TRAP1: variants seen among roughly 807,000 people sequenced by gnomAD.
TRAP1 encodes the protein TNF receptor associated protein 1.
A neutral mutation model predicts 89.1 loss-of-function variants in TRAP1; 102 were observed. That is an observed-to-expected ratio of 1.15 (90% CI 0.98 to 1.35). The LOEUF (loss-of-function observed/expected upper bound fraction) is 1.35. Ranked by LOEUF, TRAP1 falls within the 40% of genes most tolerant of loss-of-function variation. The probability of loss-of-function intolerance (pLI) is 0.00; values close to 1 mark genes in which losing one functional copy is unlikely to be tolerated. For synonymous variants in TRAP1, 508 were observed against 388.0 expected (o/e 1.31, Z -3.64); for missense variants, 1,256 against 945.3 (o/e 1.33, Z -4.31).
chr16:3,675,175 C>T (rs1019929977), intron 8 of TRAP1, 149 bp downstream of exon 8: 7 of 713,154 alleles, frequency 9.8e-6, no homozygotes, highest in African/African-American at 8.9e-5. Context: ...GGGCCCCTGT[C>T]TCATCCCCAC....
chr16:3,704,372 C>T (rs2051411180), intron 1 of TRAP1: 1 of 152,174 alleles, frequency 6.6e-6, no homozygotes, highest in Non-Finnish European at 1.5e-5. Context: ...TTATAAAAAA[C>T]ACTTAAAAAC....
At chr16:3,660,907 G>A (rs890737868) in intron 16 of TRAP1, 1 of 152,140 alleles carries the variant, frequency 6.6e-6, no homozygotes, top group African/African-American at 2.4e-5. Context: ...CTGGGGGACA[G>A]AGTGAGACCC....
chr16:3,669,297 G>A (rs1477759538), intron 11 of TRAP1, among the ~76,000 whole-genome samples: 1 of 152,184 alleles, frequency 6.6e-6, no homozygotes, highest in Non-Finnish European at 1.5e-5. Flanking sequence ...CTGCTGTGGG[G>A]CGGGGATGCA....
chr16:3,687,215 T>A (rs1203309704), intron 3 of TRAP1: 1 of 152,154 alleles, frequency 6.6e-6, no homozygotes, highest in Non-Finnish European at 1.5e-5. Context: ...TCTCATGAGA[T>A]CTGACAGTTT....
At chr16:3,673,673 T>G (rs1489503962) in intron 9 of TRAP1, among the ~76,000 whole-genome samples, 1 of 152,178 alleles carries the variant, frequency 6.6e-6, no homozygotes, top group Non-Finnish European at 1.5e-5. Context: ...GCTGGCTCTT[T>G]CCAAGATGGA....
In TRAP1 at chr16:3,672,714, A is replaced by G. The variant is rs1342509122; in HGVS notation, c.1151T>C (p.Leu384Pro). 1.2e-6 allele frequency: 2 copies of G among 1,609,342 alleles called. No individual in the cohort carries two copies. Among genetic ancestry groups the G allele is most frequent in the Non-Finnish European group, 1.7e-6 (2 of 1,178,222 alleles). The change falls in exon 10 of 18, where the codon CTG becomes CCG. Residue 384 changes from leucine (L) to proline (P), a missense_variant. Leu to Pro is a moderately conservative substitution (Grantham distance 98, BLOSUM62 -3). Transcript: ENST00000246957. ...GAGCAGCGTACCTCGGATGAAGCGC[A>G]GCCACTTGGGCAGGATGTCCGTGGC... is the stretch of plus-strand genomic sequence containing the variant. ...TKATDILPKW[L>P]RFIRGVVDSE...
chr16:3,661,615 A>G lies in TRAP1; in HGVS notation c.1940+372T>C, dbSNP rs56048917. The G allele has an allele frequency of 6.8e-3, 1,414 of 209,264 alleles. 25 individuals are homozygous for G. Among genetic ancestry groups the G allele is most frequent in the African/African-American group, 0.03 (1,329 of 43,870 alleles). The allele number at this position is 209,264 out of a possible 1,614,324, so 13.0% of individuals were successfully genotyped here. A position where few individuals can be genotyped will look rare whatever the true frequency, so the allele number is the denominator to read the frequency against. Reference sequence around the variant, plus strand: ...AATGAACTTGTGGCAGCCCCTCTGCATGGGCAACCCTCATGCCAAGTGAGC... The same window carrying G: ...AATGAACTTGTGGCAGCCCCTCTGCGTGGGCAACCCTCATGCCAAGTGAGC... On this transcript the variant is annotated intron_variant, in intron 16 of 17. Coordinates refer to ENST00000246957, the MANE Select transcript of TRAP1 (RefSeq NM_016292.3).
intron 11 of TRAP1, among the ~76,000 whole-genome samples, chr16:3,668,844 C>T (rs2050872467): frequency 6.6e-6 from 1 of 152,190 alleles, no homozygotes; most frequent in Non-Finnish European, 1.5e-5. Flanking sequence ...CGTGTTTATG[C>T]AGGCTCAGCA....
intron 1 of TRAP1, among the ~76,000 whole-genome samples, chr16:3,694,232 C>G (rs1487052508): frequency 6.6e-6 from 1 of 152,130 alleles, no homozygotes; most frequent in Non-Finnish European, 1.5e-5. Context: ...ACCAGGAATA[C>G]TGGAGTTAGG....
At chr16:3,710,214 G>A (rs1567247979) in intron 1 of TRAP1, among the ~76,000 whole-genome samples, 1 of 152,194 alleles carries the variant, frequency 6.6e-6, no homozygotes, top group South Asian at 2.1e-4. Context: ...CTCACCCTGA[G>A]CTTTGCTCAT....
Position 3,691,003 on chromosome 16 carries a change from C to G in TRAP1, c.89-18G>C. On this transcript the variant is annotated intron_variant, in intron 1 of 17. Coordinates refer to ENST00000246957, the MANE Select transcript of TRAP1 (RefSeq NM_016292.3). ...TGGTTTTCCTGAAAAGACAAATATGCAGAAAGAATGAGAATTAGGAAGACA... is the reference window on the plus strand; with the variant it reads ...TGGTTTTCCTGAAAAGACAAATATGGAGAAAGAATGAGAATTAGGAAGACA... 1.4e-6 allele frequency: 2 copies of G among 1,463,136 alleles called. No individual in the cohort carries two copies. The highest frequency in any genetic ancestry group is 2.6e-5 in the East Asian group (1 of 38,274). 90.6% of individuals were successfully genotyped at this position (1,463,136 alleles called of 1,614,324 possible).
At chr16:3,716,091 G>A (rs949092533) in intron 1 of TRAP1, among the ~76,000 whole-genome samples, 3 of 152,160 alleles carry the variant, frequency 2.0e-5, no homozygotes, top group Non-Finnish European at 2.9e-5. Context: ...TTGAACTCCT[G>A]ATCTGCCCAC....
chr16:3,679,996 A>G (rs188916747), intron 4 of TRAP1: 1 of 541,998 alleles, frequency 1.8e-6, no homozygotes, highest in Non-Finnish European at 3.4e-6. Context: ...ATGGGAGGCC[A>G]AGGCAGGCGG....
chr16:3,662,305 G>A (rs1449027836), intron 15 of TRAP1, 173 bp from the exon 16 acceptor site: 1 of 771,486 alleles, frequency 1.3e-6, no homozygotes, highest in Non-Finnish European at 2.0e-6. Flanking sequence ...TGGGCCCTGA[G>A]CTGATGCCCC....
At position 3,717,504 on chromosome 16, in the gene TRAP1, G is replaced by A. The variant is rs1374938088; in HGVS notation, c.5C>T (p.Ala2Val). 3.7e-6 allele frequency: 5 copies of A among 1,352,122 alleles called. No homozygotes were observed. The East Asian group carries it at 9.9e-5, about 27-fold the overall frequency. 83.8% of individuals were successfully genotyped at this position (1,352,122 alleles called of 1,614,324 possible). A position where few individuals can be genotyped will look rare whatever the true frequency, so the allele number is the denominator to read the frequency against. ...CAGCAGCAGCGCCCGCAGCTCGCGC[G>A]CCATGTCGTACTCCCAGAGCGCCGC... M[A>V]RELRALLLWG... is the part of the protein sequence containing the mutation. The change falls in exon 1 of 18, where the codon GCG (alanine) becomes GTG (valine). Residue 2 changes from alanine (A) to valine (V), a missense_variant. By Grantham distance (64) the Ala-to-Val change is moderately conservative (BLOSUM62 0). Transcript: ENST00000246957.
intron 1 of TRAP1, among the ~76,000 whole-genome samples, chr16:3,693,502 T>C (rs7192885): frequency 8.5e-5 from 13 of 152,066 alleles, no homozygotes; most frequent in Non-Finnish European, 1.3e-4. Flanking sequence ...TGTGCCTCCT[T>C]CCAAAGCACA....
intron 1 of TRAP1, among the ~76,000 whole-genome samples, chr16:3,712,001 C>G (rs896013852): frequency 1.3e-5 from 2 of 152,000 alleles, no homozygotes; most frequent in African/African-American, 4.8e-5. Flanking sequence ...TATCAAGATT[C>G]TTTGTCAGGC....
chr16:3,661,853 A>G (rs993360310), intron 16 of TRAP1, 134 bp downstream of exon 16: 2 of 1,201,884 alleles, frequency 1.7e-6, no homozygotes, highest in African/African-American at 1.6e-5. Flanking sequence ...AACTGCATAC[A>G]GCTCCTTATA....
In TRAP1 at chr16:3,709,797, T is replaced by C. The variant is rs181645126; in HGVS notation, c.88+7624A>G. 3.3e-3 allele frequency among the ~76,000 whole-genome samples: 495 copies of C among 152,228 alleles called. 5 individuals are homozygous for C. The highest frequency in any genetic ancestry group is 0.011 in the African/African-American group (477 of 41,538). On this transcript the variant is annotated intron_variant, in intron 1 of 17. Transcript: ENST00000246957. ...TCCTAAGTAGCTGGGATTACAGGCA[T>C]GCGCCACCACGCCCGGCTAGTTTTG... is the stretch of plus-strand genomic sequence containing the variant.
Sources: gnomAD v4.1 joint callset for allele counts (sites outside exome capture counted in the v4.1 genomes callset) on GRCh38, gnomAD v4.1.1 for gene constraint, MANE v1.5 for transcripts, NCBI Gene and HGNC (gene_info 2026-07-23, HGNC 2026-07-21) for gene names.